SLC16A3: variants seen among roughly 807,000 people sequenced by gnomAD.
The protein encoded by SLC16A3 is solute carrier family 16 member 3.
In SLC16A3, 22 loss-of-function variants were observed where a neutral mutation model predicts 25.0. That is an observed-to-expected ratio of 0.88 (90% CI 0.63 to 1.26). SLC16A3 has a LOEUF of 1.26. Ranked by LOEUF, SLC16A3 falls within the 50% of genes most tolerant of loss-of-function variation. The pLI, the probability that SLC16A3 is intolerant of heterozygous loss-of-function variation, is 0.00. For missense variants in SLC16A3, 731 were observed against 666.6 expected (o/e 1.10, Z -1.06); for synonymous variants, 390 against 309.2 (o/e 1.26, Z -2.74).
At chr17:82,235,576 C>T (rs183947824) in intron 1 of SLC16A3, 49 of 243,024 alleles carry the variant, frequency 2.0e-4, no homozygotes, top group Admixed American at 3.9e-4. Flanking sequence ...TGCTGGGGAC[C>T]GGAGGTGCCG....
chr17:82,225,330 C>T (rs908758644), upstream of SLC16A3, among the ~76,000 whole-genome samples: 6 of 152,246 alleles, frequency 3.9e-5, no homozygotes, highest in East Asian at 3.9e-4. Flanking sequence ...GAAGGGAGGG[C>T]GCAGATTTGG....
Position 82,239,022 on chromosome 17 carries a change from G to C in SLC16A3, c.*46G>C. ...GGCACAGGGAGGAGGTACAGAAGCC[G>C]GCAACGCTTGCTATTTATTTTACAA... On this transcript the variant is annotated 3_prime_UTR_variant, in exon 5 of 5. Coordinates refer to ENST00000582743, the MANE Select transcript of SLC16A3 (RefSeq NM_004207.4). 4 of 1,477,354 alleles carry C rather than the reference G, an allele frequency of 2.7e-6. No homozygotes were observed. The highest frequency in any genetic ancestry group is 3.6e-6 in the Non-Finnish European group (4 of 1,110,014). 91.5% of individuals were successfully genotyped at this position (1,477,354 alleles called of 1,614,324 possible).
In SLC16A3 at chr17:82,238,847, C is replaced by T. The variant is rs374601450; in HGVS notation, c.1269C>T (p.Ala423=). The change falls in exon 5 of 5, where the codon GCC becomes GCT. Residue 423 remains alanine, a synonymous_variant. Transcript: ENST00000582743. Reference sequence around the variant, plus strand: ...AAGAGCCACAGCCTGAGGTGGCGGCCGCGGAGGAGGAGAAGCTCCACAAGC... The same window carrying T: ...AAGAGCCACAGCCTGAGGTGGCGGCTGCGGAGGAGGAGAAGCTCCACAAGC... ...KPKEPQPEVA[A]AEEEKLHKPP... 1.2e-5 allele frequency: 20 copies of T among 1,612,412 alleles called. No homozygotes were observed. The highest frequency in any genetic ancestry group is 8.9e-5 in the East Asian group (4 of 44,862).
rs907800016 is a variant in SLC16A3, at chr17:82,237,404, C to T, written c.634C>T (p.Arg212Ter). The change falls in exon 4 of 5, where the codon CGA (arginine) becomes TGA (stop). Residue 212 changes from arginine (R) to a stop codon, truncating the protein, a stop_gained. Transcript: ENST00000582743. LOFTEE classifies it high-confidence loss of function. Reference sequence around the variant, plus strand: ...GGCCCAGCCGGGCTCGGGGCCGCCGCGACCCTCCCGGCGCCTGCTAGACCT... The same window carrying T: ...GGCCCAGCCGGGCTCGGGGCCGCCGTGACCCTCCCGGCGCCTGCTAGACCT... ...VTAQPGSGPPRPSRRLLDLSV... is the reference protein window; with the variant it reads ...VTAQPGSGPP The T allele has an allele frequency of 3.1e-5, 49 of 1,560,222 alleles. No individual in the cohort carries two copies. The highest frequency in any genetic ancestry group is 4.1e-5 in the Non-Finnish European group (47 of 1,152,678).
chr17:82,237,556 GGCC>G lies in SLC16A3; in HGVS notation c.790_792del (p.Ala264del). ...AGGACCTGGGCGTGCCCGACACCAA[GGCC>G]GCCTTCCTGCTCACCATCCTGGGCT... On this transcript the variant is annotated inframe_deletion, in exon 4 of 5. Coordinates refer to ENST00000582743, the MANE Select transcript of SLC16A3 (RefSeq NM_004207.4). 1 of 1,611,264 alleles carries G rather than the reference GGCC, an allele frequency of 6.2e-7. No homozygotes were observed. Among genetic ancestry groups the G allele is most frequent in the Non-Finnish European group, 8.5e-7 (1 of 1,178,794 alleles).
chr17:82,225,095 T>C (rs538846320), upstream of SLC16A3, among the ~76,000 whole-genome samples: 4 of 152,272 alleles, frequency 2.6e-5, no homozygotes, highest in East Asian at 5.8e-4. Flanking sequence ...ACCCTGTCTC[T>C]ACTAAAAATA....
At chr17:82,237,095 G>T in intron 3 of SLC16A3, 43 bp from the exon 4 acceptor site, 1 of 1,453,894 alleles carries the variant, frequency 6.9e-7, no homozygotes, top group East Asian at 2.4e-5. Context: ...CTCGGGCTTT[G>T]GGGCAGCCTT....
chr17:82,235,757 G>A (rs1368322078), intron 1 of SLC16A3: 56 of 573,036 alleles, frequency 9.8e-5, no homozygotes, highest in Non-Finnish European at 2.2e-5. Context: ...AGAGCCAGCT[G>A]TGAGGGTGCA....
At chr17:82,221,666 C>T (rs1188956473) in intron 1 of SLC16A3, among the ~76,000 whole-genome samples, 9 of 152,154 alleles carry the variant, frequency 5.9e-5, no homozygotes, top group Admixed American at 4.6e-4. Context: ...AAAAGATACT[C>T]AACATCATTA....
rs28362482 is a variant in SLC16A3 at position 82,235,740 on chromosome 17, G to T, written c.-26-243G>T. 13 of 550,864 alleles carry T rather than the reference G, an allele frequency of 2.4e-5. No individual in the cohort carries two copies. The East Asian group carries it at 4.0e-4, about 17-fold the overall frequency. The allele number at this position is 550,864 out of a possible 1,614,324, so 34.1% of individuals were successfully genotyped here. A position where few individuals can be genotyped will look rare whatever the true frequency, so the allele number is the denominator to read the frequency against. ...CCTGGCCGAGCCCAAAAAAGCCACTGCCCTTTAGAGCCAGCTGTGAGGGTG... is the reference window on the plus strand; with the variant it reads ...CCTGGCCGAGCCCAAAAAAGCCACTTCCCTTTAGAGCCAGCTGTGAGGGTG... On this transcript the variant is annotated intron_variant, in intron 1 of 4. Transcript: ENST00000582743.
Position 82,237,501 on chromosome 17 carries a change from T to C in SLC16A3, c.731T>C (p.Val244Ala). 1 of 1,611,314 alleles carries C rather than the reference T, an allele frequency of 6.2e-7. No homozygotes were observed. The highest frequency in any genetic ancestry group is 2.2e-5 in the East Asian group (1 of 44,842). ...TCGGTCATGGTGCTGGGGCTCTTCG[T>C]CCCGCCCGTGTTCGTGGTGAGCTAC... ...AASVMVLGLFVPPVFVVSYAK... is the reference protein window; with the variant it reads ...AASVMVLGLFAPPVFVVSYAK... Residue 244 changes from valine (V) to alanine (A), a missense_variant, in exon 4 of 5, where the codon GTC (valine) becomes GCC (alanine). Coordinates refer to ENST00000582743, the MANE Select transcript of SLC16A3 (RefSeq NM_004207.4).
At position 82,237,411 on chromosome 17, in the gene SLC16A3, C is replaced by T. The variant is rs368788465; in HGVS notation, c.641C>T (p.Ser214Phe). The change falls in exon 4 of 5, where the codon TCC (serine) becomes TTC (phenylalanine). Residue 214 changes from serine to phenylalanine, a missense_variant. By Grantham distance (155) the Ser-to-Phe change is radical. Coordinates refer to ENST00000582743, the MANE Select transcript of SLC16A3 (RefSeq NM_004207.4). Reference protein sequence around the residue: ...AQPGSGPPRPSRRLLDLSVFR... With the variant: ...AQPGSGPPRPFRRLLDLSVFR... ...CCGGGCTCGGGGCCGCCGCGACCCT[C>T]CCGGCGCCTGCTAGACCTGAGCGTC... 2.5e-4 allele frequency: 396 copies of T among 1,568,106 alleles called. 4 individuals carry two copies. The East Asian group carries it at 7.4e-3, about 29-fold the overall frequency.
Position 82,229,048 on chromosome 17 carries a change from G to A in SLC16A3, c.-85G>A, listed in dbSNP as rs898624571. The A allele has an allele frequency of 9.1e-5, 7 of 77,086 alleles. No homozygotes were observed. Among genetic ancestry groups the A allele is most frequent in the Non-Finnish European group, 1.7e-4 (7 of 41,444 alleles). The allele number at this position is 77,086 out of a possible 1,614,324, so 4.8% of individuals were successfully genotyped here. On this transcript the variant is annotated 5_prime_UTR_variant, in exon 1 of 5. Transcript: ENST00000582743. ...CCCCGGCGCGGAGCGGACCGGCAGA[G>A]GCGGGCAGAGGCGGCGAGAGGCGGC...
Position 82,238,751 on chromosome 17 carries a change from G to A in SLC16A3, c.1173G>A (p.Ala391=), listed in dbSNP as rs1215506070. The A allele has an allele frequency of 1.9e-6, 3 of 1,612,530 alleles. No homozygotes were observed. Among genetic ancestry groups the A allele is most frequent in the Non-Finnish European group, 2.5e-6 (3 of 1,179,880 alleles). Residue 391 remains alanine (A), a synonymous_variant, in exon 5 of 5, where the codon GCG becomes GCA. Coordinates refer to ENST00000582743, the MANE Select transcript of SLC16A3 (RefSeq NM_004207.4). ...THVYMYVFIL[A]GAEVLTSSLI... ...TCTACATGTACGTGTTCATCCTGGC[G>A]GGGGCCGAGGTGCTCACCTCCTCCC...
At chr17:82,223,907 G>C (rs2050403768), upstream of SLC16A3, among the ~76,000 whole-genome samples, 1 of 151,934 alleles carries the variant, frequency 6.6e-6, no homozygotes, top group Non-Finnish European at 1.5e-5. Context: ...ACATCAAGAA[G>C]ACCTGGCCAG....
chr17:82,226,831 G>T (rs2050425345), upstream of SLC16A3, among the ~76,000 whole-genome samples: 1 of 152,174 alleles, frequency 6.6e-6, no homozygotes, highest in Admixed American at 6.5e-5. Flanking sequence ...GTTCTGTCCA[G>T]GCTCCGGGTG....
intron 1 of SLC16A3, among the ~76,000 whole-genome samples, chr17:82,232,832 C>T (rs1010927645): frequency 9.5e-5 from 14 of 147,892 alleles, no homozygotes; most frequent in Admixed American, 2.0e-4. Context: ...ACCTGCTCTC[C>T]GGGCAGCCCC....
intron 4 of SLC16A3, 105 bp downstream of exon 4, chr17:82,237,998 G>C: frequency 3.0e-6 from 4 of 1,347,770 alleles, no homozygotes; most frequent in Non-Finnish European, 4.0e-6. Flanking sequence ...CCGCAGTGTG[G>C]GACTCAGAGC....
Position 82,238,757 on chromosome 17 carries a change from C to T in SLC16A3, c.1179C>T (p.Ala393=), listed in dbSNP as rs773712523. The change falls in exon 5 of 5, where the codon GCC becomes GCT. Residue 393 remains alanine, a synonymous_variant. Transcript: ENST00000582743. ...VYMYVFILAG[A]EVLTSSLILL... is the part of the protein sequence containing the mutation. ...TGTACGTGTTCATCCTGGCGGGGGC[C>T]GAGGTGCTCACCTCCTCCCTGATTT... The T allele has an allele frequency of 2.2e-5, 35 of 1,612,536 alleles. 1 individual carries two copies. The highest frequency in any genetic ancestry group is 1.5e-4 in the South Asian group (14 of 91,064).
Sources: gnomAD v4.1 joint callset for allele counts (sites outside exome capture counted in the v4.1 genomes callset) on GRCh38, gnomAD v4.1.1 for gene constraint, MANE v1.5 for transcripts, NCBI Gene and HGNC (gene_info 2026-07-23, HGNC 2026-07-21) for gene names.